CD99: variants seen among roughly 807,000 people sequenced by gnomAD.
The protein encoded by CD99 is CD99 antigen.
CD99 carries 19 observed loss-of-function variants against 28.4 expected under a neutral mutation model. The observed-to-expected ratio is 0.67, with a 90% CI of 0.47 to 0.98. CD99 has a LOEUF of 0.98. Ranked by LOEUF, CD99 falls within the 50% of genes least tolerant of loss-of-function variation. CD99 has a pLI of 0.00. For missense variants in CD99, 283 were observed against 248.8 expected (o/e 1.14, Z -0.92); for synonymous variants, 103 against 92.1 (o/e 1.12, Z -0.67).
intron 2 of CD99, 57 bp from the exon 3 acceptor site, chrX:2,717,548 T>A: frequency 7.6e-7 from 1 of 1,323,260 alleles, no homozygotes; most frequent in Non-Finnish European, 1.1e-6. Flanking sequence ...CACAAAAGAG[T>A]TGACACTTGT....
At chrX:2,734,855 C>T (rs1438676420) in intron 8 of CD99, among the ~76,000 whole-genome samples, 1 of 147,888 alleles carries the variant, frequency 6.8e-6, no homozygotes, top group Non-Finnish European at 1.5e-5. Flanking sequence ...TATTTGCCCT[C>T]TTGTGGAAAT....
At chrX:2,707,174 A>G (rs34147519) in intron 1 of CD99, among the ~76,000 whole-genome samples, 10,569 of 152,102 alleles carry the variant, frequency 0.069, 546 homozygotes, top group Non-Finnish European at 0.11. Context: ...TACTAAAAAC[A>G]CAAGAATTAG....
intron 8 of CD99, among the ~76,000 whole-genome samples, chrX:2,735,969 G>A (rs1447059916): frequency 2.0e-5 from 3 of 152,060 alleles, no homozygotes; most frequent in Admixed American, 6.6e-5. Flanking sequence ...TTGGGAGGCC[G>A]AGGTGGGCAG....
At chrX:2,740,317 T>G (rs752716227) in intron 9 of CD99, among the ~76,000 whole-genome samples, 1 of 152,292 alleles carries the variant, frequency 6.6e-6, no homozygotes, top group Non-Finnish European at 1.5e-5. Flanking sequence ...GCCACCATTG[T>G]TCTTAATTCC....
intron 1 of CD99, among the ~76,000 whole-genome samples, chrX:2,701,590 T>TG (rs376308063): frequency 0.58 from 88,236 of 151,478 alleles, 26,023 homozygotes; most frequent in African/African-American, 0.68. Context: ...GAAGGGCCTC[T>TG]TCTCAGCCTG....
At chrX:2,706,040 C>T (rs6641998) in intron 1 of CD99, among the ~76,000 whole-genome samples, 3,293 of 148,514 alleles carry the variant, frequency 0.022, 127 homozygotes, top group African/African-American at 0.078. Flanking sequence ...ACTGGTTCCA[C>T]TCGACCTCCA....
chrX:2,706,860 G>A (rs1404595399), intron 1 of CD99, among the ~76,000 whole-genome samples: 1 of 151,328 alleles, frequency 6.6e-6, no homozygotes, highest in East Asian at 2.0e-4. Flanking sequence ...TCACTCTGTC[G>A]CCCAGGCTGG....
At chrX:2,691,451 T>TTGGGGGACGCGGAGGGCGCGGGCCGGGAC in intron 1 of CD99, 24 bp downstream of exon 1, 1 of 1,575,180 alleles carries the variant, frequency 6.3e-7, no homozygotes, top group Non-Finnish European at 8.5e-7. Context: ...GGGATCCGGG[T>TTGGGGGACGCGGAGGGCGCGGGCCGGGAC]TGGGGGACGC....
At chrX:2,733,229 C>G (rs1033968586) in intron 8 of CD99, 116 of 975,274 alleles carry the variant, frequency 1.2e-4, no homozygotes, top group Non-Finnish European at 1.7e-4. Context: ...CCCATTACTT[C>G]CTTGCTCAGA....
chrX:2,712,006 C>T (rs1357681196), intron 1 of CD99, among the ~76,000 whole-genome samples: 1 of 152,130 alleles, frequency 6.6e-6, no homozygotes, highest in Non-Finnish European at 1.5e-5. Context: ...CATCGCACTC[C>T]AGCTTGGGCA....
chrX:2,729,881 G>A (rs928912811), intron 8 of CD99, among the ~76,000 whole-genome samples: 9 of 152,138 alleles, frequency 5.9e-5, no homozygotes, highest in Non-Finnish European at 1.0e-4. Context: ...GTCCTGGCGA[G>A]GTGGCCGACA....
At chrX:2,715,174 T>C (rs1370043198) in intron 2 of CD99, 1 of 151,184 alleles carries the variant, frequency 6.6e-6, no homozygotes, top group African/African-American at 2.4e-5. Flanking sequence ...GTGAAGGGCA[T>C]GGGAAAAGGA....
intron 8 of CD99, among the ~76,000 whole-genome samples, chrX:2,734,168 A>AT (rs201093600): frequency 0.038 from 5,770 of 151,316 alleles, 127 homozygotes; most frequent in Non-Finnish European, 0.058. Context: ...AATGTAATTG[A>AT]TTTTAACTTG....
chrX:2,718,130 G>A (rs1259371395), intron 3 of CD99: 2 of 162,526 alleles, frequency 1.2e-5, no homozygotes, highest in Non-Finnish European at 2.7e-5. Flanking sequence ...TAGTCGAGAC[G>A]AGGTTTCACT....
intron 9 of CD99, among the ~76,000 whole-genome samples, chrX:2,738,635 G>T (rs2050062633): frequency 6.6e-6 from 1 of 151,730 alleles, no homozygotes; most frequent in Admixed American, 6.6e-5. Context: ...TGAGGCAAGA[G>T]AACTGCTTGA....
chrX:2,716,342 C>CA (rs34935127), intron 2 of CD99, among the ~76,000 whole-genome samples: 50,608 of 150,794 alleles, frequency 0.34, 8,731 homozygotes, highest in Middle Eastern at 0.49. Flanking sequence ...TTATGTTTTA[C>CA]TTTTTTTTTT....
At position 2,691,360 on chromosome X, in the gene CD99, C is replaced by T. The variant is rs747702352; in HGVS notation, c.-1C>T. ...CCGTCCCTGCGCGCTCTGGGCGCACCATGGCCCGCGGGGCTGCGCTGGCGC... is the reference window on the plus strand; with the variant it reads ...CCGTCCCTGCGCGCTCTGGGCGCACTATGGCCCGCGGGGCTGCGCTGGCGC... On this transcript the variant is annotated 5_prime_UTR_variant, in exon 1 of 10. Transcript: ENST00000381192. The T allele has an allele frequency of 3.8e-6, 6 of 1,568,842 alleles. No homozygotes were observed. The African/African-American group carries it at 5.5e-5, about 14-fold the overall frequency.
chrX:2,733,241 C>T (rs1421036166), intron 8 of CD99: 1 of 1,079,228 alleles, frequency 9.3e-7, no homozygotes, highest in African/African-American at 1.6e-5. Context: ...TTGCTCAGAG[C>T]AGCTCTTTCT....
At chrX:2,736,784 G>C (rs2049962699) in intron 8 of CD99, among the ~76,000 whole-genome samples, 1 of 151,972 alleles carries the variant, frequency 6.6e-6, no homozygotes, top group Non-Finnish European at 1.5e-5. Context: ...TTGAACCCGG[G>C]AGGCGGAGGT....
Sources: allele counts gnomAD v4.1 joint callset (sites outside exome capture counted in the v4.1 genomes callset), GRCh38; gene constraint gnomAD v4.1.1; transcripts MANE v1.5; gene names NCBI Gene and HGNC (gene_info 2026-07-23, HGNC 2026-07-21).